Variants in RAB36 observed in about 807,000 individuals in gnomAD.
The protein encoded by RAB36 is ras-related protein Rab-36.
Under a neutral mutation model 39.3 loss-of-function variants are expected in RAB36, and 33 were observed. The ratio of observed to expected loss-of-function variants is 0.84; its 90% CI spans 0.64 to 1.12. The LOEUF is 1.12. Among genes scored for constraint, RAB36 ranks in the 50% most tolerant of loss-of-function variants. The pLI, the probability that RAB36 is intolerant of heterozygous loss-of-function variation, is 0.00. For missense variants in RAB36, 308 were observed against 355.3 expected (o/e 0.87, Z 1.07); for synonymous variants, 133 against 140.2 (o/e 0.95, Z 0.36).
At chr22:23,151,499 C>G (rs564731103) in intron 3 of RAB36, among the ~76,000 whole-genome samples, 23 of 152,342 alleles carry the variant, frequency 1.5e-4, no homozygotes, top group African/African-American at 4.8e-4. Flanking sequence ...TGTCTGCAGG[C>G]AGAGGAAGTG....
chr22:23,145,754 G>A (rs1022913881), intron 1 of RAB36, among the ~76,000 whole-genome samples: 3 of 152,276 alleles, frequency 2.0e-5, no homozygotes, highest in African/African-American at 7.2e-5. Flanking sequence ...AGGAGAGCCA[G>A]GTCAGATGCG....
intron 4 of RAB36, 65 bp downstream of exon 4, chr22:23,152,591 G>A (rs1601910277): frequency 6.7e-7 from 1 of 1,490,004 alleles, no homozygotes; most frequent in Middle Eastern, 1.7e-4. Context: ...CCTTTGCCTG[G>A]GTGGCCCAGA....
At chr22:23,159,828 C>T (rs1285969234) in intron 9 of RAB36, among the ~76,000 whole-genome samples, 1 of 152,238 alleles carries the variant, frequency 6.6e-6, no homozygotes, top group Non-Finnish European at 1.5e-5. Context: ...CTACCCCTGG[C>T]CATACTGGGT....
intron 9 of RAB36, among the ~76,000 whole-genome samples, chr22:23,160,280 G>GT (rs1467691691): frequency 2.6e-5 from 4 of 152,170 alleles, no homozygotes. Flanking sequence ...CCTTATCAGA[G>GT]TAACAGTGAG....
At position 23,165,618 on chromosome 22, in the gene RAB36, CA is replaced by C. The variant is rs528014860; in HGVS notation, c.*4058del. Among the ~76,000 whole-genome samples the C allele has an allele frequency of 1.1e-4, 16 of 152,328 alleles. No homozygotes were observed. In the South Asian group the frequency reaches 3.3e-3, roughly 32 times the overall value. On this transcript the variant is annotated 3_prime_UTR_variant, in exon 11 of 11. Transcript: ENST00000263116. ...TTTAGTACTATGTAACAAATCACTC[CA>C]AAACTTCATTGCTTAAAGCAACAAG... is the stretch of plus-strand genomic sequence containing the variant.
chr22:23,151,419 C>T (rs371452290), intron 3 of RAB36, among the ~76,000 whole-genome samples: 4 of 152,270 alleles, frequency 2.6e-5, no homozygotes, highest in African/African-American at 9.6e-5. Flanking sequence ...AGACACAATC[C>T]CTGCTCTCAC....
intron 2 of RAB36, among the ~76,000 whole-genome samples, chr22:23,149,471 A>G (rs1286797690): frequency 3.3e-5 from 5 of 152,172 alleles, no homozygotes. Context: ...GACAGCAGAA[A>G]GCGCCTCCTA....
Position 23,161,520 on chromosome 22 carries a change from G to C in RAB36, c.760G>C (p.Glu254Gln). 1 of 1,612,852 alleles carries C rather than the reference G, an allele frequency of 6.2e-7. No homozygotes were observed. Among genetic ancestry groups the C allele is most frequent in the Non-Finnish European group, 8.5e-7 (1 of 1,179,444 alleles). Reference protein sequence around the residue: ...DLIQMEGSPPETQESKRPSSL... With the variant: ...DLIQMEGSPPQTQESKRPSSL... ...TACAGAAATGGAAGGGAGTCCGCCC[G>C]AGACCCAGGAGAGCAAGAGGCCCTC... Residue 254 changes from glutamate (E) to glutamine (Q), a missense_variant, in exon 11 of 11, where the codon GAG becomes CAG. By Grantham distance (29) the Glu-to-Gln change is conservative. Transcript: ENST00000263116.
In RAB36 at chr22:23,165,305, G is replaced by A. The variant is rs112536309; in HGVS notation, c.*3741G>A. On this transcript the variant is annotated 3_prime_UTR_variant, in exon 11 of 11. Transcript: ENST00000263116. ...CACACGAAACTTACACCTGCCTGGG[G>A]AACAATCCTGTGCTTGGCTCTCCTT... Among the ~76,000 whole-genome samples the A allele has an allele frequency of 0.043, 6,492 of 152,266 alleles. 474 individuals carry two copies. The highest frequency in any genetic ancestry group is 0.15 in the African/African-American group (6,185 of 41,520).
intron 3 of RAB36, among the ~76,000 whole-genome samples, chr22:23,151,309 A>G (rs1160873943): frequency 1.3e-5 from 2 of 152,174 alleles, no homozygotes; most frequent in African/African-American, 4.8e-5. Flanking sequence ...AGGTGGGGAA[A>G]CTGAGGATCA....
rs767380502 is a variant in RAB36, at chr22:23,157,956, G to A, written c.395-36G>A. On this transcript the variant is annotated intron_variant, in intron 6 of 10. Coordinates refer to ENST00000263116, the MANE Select transcript of RAB36 (RefSeq NM_004914.5). ...GGAGCCCCCTTGCTCGCCTCGCCTG[G>A]CACTGATTGGCTGTTGGCTTTTTCC... is the stretch of plus-strand genomic sequence containing the variant. 1.9e-6 allele frequency: 3 copies of A among 1,613,748 alleles called. No individual in the cohort carries two copies. The African/African-American group carries it at 4.0e-5, about 22-fold the overall frequency.
downstream of RAB36, among the ~76,000 whole-genome samples, chr22:23,167,396 A>C (rs2072069501): frequency 6.6e-6 from 1 of 152,042 alleles, no homozygotes; most frequent in South Asian, 2.1e-4. Context: ...CTCCACAGGG[A>C]CCGGAGCAAG....
Position 23,161,697 on chromosome 22 carries a change from C to A in RAB36, c.*133C>A. Reference sequence around the variant, plus strand: ...GCTGTAGGCCCATGTTCCAGTCCCTCCACCCACCCACCGGGCTCAGCTCCA... The same window carrying A: ...GCTGTAGGCCCATGTTCCAGTCCCTACACCCACCCACCGGGCTCAGCTCCA... On this transcript the variant is annotated 3_prime_UTR_variant, in exon 11 of 11. Coordinates refer to ENST00000263116, the MANE Select transcript of RAB36 (RefSeq NM_004914.5). 1.4e-6 allele frequency: 1 copy of A among 739,880 alleles called. No individual in the cohort carries two copies. Among genetic ancestry groups the A allele is most frequent in the Non-Finnish European group, 2.2e-6 (1 of 462,514 alleles). The allele number at this position is 739,880 out of a possible 1,614,324, so 45.8% of individuals were successfully genotyped here.
chr22:23,157,423 T>C (rs189513049), intron 6 of RAB36, among the ~76,000 whole-genome samples: 1 of 151,918 alleles, frequency 6.6e-6, no homozygotes, highest in African/African-American at 2.4e-5. Flanking sequence ...GCTAATTTTT[T>C]TGTGTGTGTG....
rs767873893 is a variant in RAB36 at position 23,155,985 on chromosome 22, A to G, written c.347A>G (p.Gln116Arg). ...YSLQIWDTAG[Q>R]EKFKCIASAY... The stretch of plus-strand genomic sequence containing the variant: ...CCTCACAGCTGGGACACAGCTGGGC[A>G]GGAGAAGTTCAAGTGCATCGCATCT... The change falls in exon 6 of 11, where the codon CAG (glutamine) becomes CGG (arginine). Residue 116 changes from glutamine to arginine, a missense_variant. Physicochemically the swap from Gln to Arg is conservative, Grantham distance 43. Transcript: ENST00000263116. 6.2e-6 allele frequency: 10 copies of G among 1,612,592 alleles called. No homozygotes were observed. Among genetic ancestry groups the G allele is most frequent in the Admixed American group, 1.7e-5 (1 of 59,862 alleles).
At chr22:23,153,256 G>A (rs2071266600) in intron 5 of RAB36, 122 bp downstream of exon 5, 3 of 762,082 alleles carry the variant, frequency 3.9e-6, no homozygotes, top group African/African-American at 1.7e-5. Context: ...CAGAGCCTGG[G>A]GGTGTTGTGT....
intron 7 of RAB36, 54 bp from the exon 8 acceptor site, chr22:23,158,844 C>G (rs1019810802): frequency 1.3e-6 from 2 of 1,535,936 alleles, no homozygotes; most frequent in Non-Finnish European, 1.8e-6. Flanking sequence ...CCTCTGCCCC[C>G]TGTTTGGGGT....
At chr22:23,147,400 C>CT (rs2070848237) in intron 2 of RAB36, among the ~76,000 whole-genome samples, 1 of 151,918 alleles carries the variant, frequency 6.6e-6, no homozygotes, top group Non-Finnish European at 1.5e-5. Context: ...ATGGTGCCAT[C>CT]ATAATTCACT....
At chr22:23,167,231 A>G (rs1425650776), downstream of RAB36, among the ~76,000 whole-genome samples, 2 of 152,062 alleles carry the variant, frequency 1.3e-5, no homozygotes, top group Non-Finnish European at 2.9e-5. Flanking sequence ...CCAGGGTCGA[A>G]CCCCAAAAGG....
Sources: allele counts gnomAD v4.1 joint callset (sites outside exome capture counted in the v4.1 genomes callset), GRCh38; gene constraint gnomAD v4.1.1; transcripts MANE v1.5; gene names NCBI Gene and HGNC (gene_info 2026-07-23, HGNC 2026-07-21).